Variants in CEP63 observed in about 807,000 individuals in gnomAD.
The protein encoded by CEP63 is centrosomal protein of 63 kDa.
In CEP63, 84 loss-of-function variants were observed where a neutral mutation model predicts 89.1. The ratio of observed to expected loss-of-function variants is 0.94; its 90% CI spans 0.79 to 1.13. CEP63 has a LOEUF of 1.13. CEP63 is among the 50% of genes most tolerant of loss of function. The pLI is 0.00. For missense variants in CEP63, 838 were observed against 813.3 expected (o/e 1.03, Z -0.37); for synonymous variants, 267 against 272.5 (o/e 0.98, Z 0.20).
At chr3:134,619,407 G>A in the CEP63 span, 1 of 663,900 alleles carries the variant, frequency 1.5e-6, no homozygotes. Flanking sequence ...CAGCACAAAT[G>A]GGATCTGGGA....
chr3:134,701,297 T>TACAC, the CEP63 span, among the ~76,000 whole-genome samples: 1 of 49,842 alleles, frequency 2.0e-5, no homozygotes, highest in African/African-American at 4.0e-5. Flanking sequence ...TATATATGTG[T>TACAC]ATATATACGT....
At chr3:134,779,454 A>G in the CEP63 span, among the ~76,000 whole-genome samples, 1 of 152,176 alleles carries the variant, frequency 6.6e-6, no homozygotes, top group African/African-American at 2.4e-5. Flanking sequence ...CCTGGCATAC[A>G]TGTGCAAGGG....
chr3:134,760,054 C>CTT, the CEP63 span, among the ~76,000 whole-genome samples: 1 of 133,130 alleles, frequency 7.5e-6, no homozygotes, highest in Non-Finnish European at 1.6e-5. Context: ...TACCAGAGCA[C>CTT]TTTCTTTTTT....
chr3:134,731,585 A>T, the CEP63 span, among the ~76,000 whole-genome samples: 1 of 152,208 alleles, frequency 6.6e-6, no homozygotes, highest in Non-Finnish European at 1.5e-5. Flanking sequence ...CTGAAAAATA[A>T]TGGCAGCTGC....
the CEP63 span, among the ~76,000 whole-genome samples, chr3:134,710,861 A>G: frequency 6.6e-6 from 1 of 151,854 alleles, no homozygotes; most frequent in Non-Finnish European, 1.5e-5. Context: ...AGCTAGCAGT[A>G]CAGGCGCGCA....
the CEP63 span, among the ~76,000 whole-genome samples, chr3:134,745,389 TG>T: frequency 6.6e-6 from 1 of 152,214 alleles, no homozygotes; most frequent in Non-Finnish European, 1.5e-5. Context: ...CATTAGTAAA[TG>T]ATGCATTCTC....
intron 10 of CEP63, among the ~76,000 whole-genome samples, chr3:134,586,571 T>C (rs1387517393): frequency 6.6e-6 from 1 of 152,230 alleles, no homozygotes; most frequent in Non-Finnish European, 1.5e-5. Flanking sequence ...GCTGTTAGTC[T>C]GATGGGCTTC....
the CEP63 span, among the ~76,000 whole-genome samples, chr3:134,712,964 G>A: frequency 6.6e-6 from 1 of 152,208 alleles, no homozygotes; most frequent in African/African-American, 2.4e-5. Flanking sequence ...GCCAGAGCAT[G>A]TCTGATTCCA....
intron 2 of CEP63, among the ~76,000 whole-genome samples, chr3:134,500,144 G>A (rs1264985820): frequency 1.3e-5 from 2 of 152,062 alleles, no homozygotes; most frequent in African/African-American, 2.4e-5. Context: ...CCATCTTGAT[G>A]TCTGTGTGTA....
At chr3:134,588,130 T>TA (rs1240788712), downstream of CEP63, among the ~76,000 whole-genome samples, 1 of 151,974 alleles carries the variant, frequency 6.6e-6, no homozygotes, top group Non-Finnish European at 1.5e-5. Flanking sequence ...CCGTCTCTAC[T>TA]AAAAATACAG....
the CEP63 span, chr3:134,610,516 A>C: frequency 1.3e-6 from 1 of 742,574 alleles, no homozygotes; most frequent in Non-Finnish European, 2.2e-6. Flanking sequence ...TGCTTCTTGT[A>C]CTCACATATA....
intron 3 of CEP63, among the ~76,000 whole-genome samples, chr3:134,517,074 A>G (rs1426462866): frequency 6.6e-6 from 1 of 152,202 alleles, no homozygotes; most frequent in Admixed American, 6.5e-5. Context: ...GTGGATTCCC[A>G]GTGGAATTCA....
chr3:134,705,059 C>T, the CEP63 span, among the ~76,000 whole-genome samples: 2 of 152,132 alleles, frequency 1.3e-5, no homozygotes, highest in Admixed American at 6.5e-5. Context: ...GAAAAGCAAA[C>T]AAAATTAAAC....
the CEP63 span, among the ~76,000 whole-genome samples, chr3:134,746,193 G>A: frequency 6.6e-6 from 1 of 151,828 alleles, no homozygotes; most frequent in South Asian, 2.1e-4. Flanking sequence ...CCTTGTGATA[G>A]TTTGCTGAGA....
the CEP63 span, among the ~76,000 whole-genome samples, chr3:134,774,405 T>A: frequency 6.6e-6 from 1 of 152,224 alleles, no homozygotes; most frequent in East Asian, 1.9e-4. Context: ...TAAAATTGCC[T>A]TATTGATCCA....
At chr3:134,649,729 C>T in the CEP63 span, among the ~76,000 whole-genome samples, 1 of 152,224 alleles carries the variant, frequency 6.6e-6, no homozygotes, top group African/African-American at 2.4e-5. Flanking sequence ...GTTCCCAGGG[C>T]TCTGGAGGCA....
intron 10 of CEP63, among the ~76,000 whole-genome samples, chr3:134,583,188 A>G (rs1218187547): frequency 1.3e-5 from 2 of 151,930 alleles, no homozygotes; most frequent in Admixed American, 1.3e-4. Context: ...GTTTAATTAG[A>G]TCCCATTTTT....
chr3:134,604,733 C>T, the CEP63 span, among the ~76,000 whole-genome samples: 397 of 152,264 alleles, frequency 2.6e-3, 5 homozygotes, highest in African/African-American at 9.1e-3. Flanking sequence ...GAAATGAAAG[C>T]TAAGGGGCCT....
At chr3:134,678,691 G>C in the CEP63 span, among the ~76,000 whole-genome samples, 1 of 152,172 alleles carries the variant, frequency 6.6e-6, no homozygotes, top group Non-Finnish European at 1.5e-5. Context: ...GGCACAAGGA[G>C]GCTAAGCAAC....
Sources: allele counts gnomAD v4.1 joint callset (sites outside exome capture counted in the v4.1 genomes callset), GRCh38; gene constraint gnomAD v4.1.1; transcripts MANE v1.5; gene names NCBI Gene and HGNC (gene_info 2026-07-23, HGNC 2026-07-21).